RAI1: variants seen among roughly 807,000 people sequenced by gnomAD.
The protein encoded by RAI1 is retinoic acid-induced protein 1.
RAI1 carries 9 observed loss-of-function variants against 123.8 expected under a neutral mutation model. The ratio of observed to expected loss-of-function variants is 0.07; its 90% CI spans 0.04 to 0.13. RAI1 has a LOEUF of 0.13. Ranked by LOEUF, RAI1 falls within the 10% of genes least tolerant of loss-of-function variation. RAI1 has a pLI of 1.00. For missense variants in RAI1, 2,256 were observed against 2,545.8 expected (o/e 0.89, Z 2.45); for synonymous variants, 1,231 against 1,127.3 (o/e 1.09, Z -1.84).
intron 2 of RAI1, among the ~76,000 whole-genome samples, chr17:17,767,133 G>A (rs535193605): frequency 7.9e-5 from 12 of 152,290 alleles, no homozygotes; most frequent in Admixed American, 1.3e-4. Context: ...GGTGCACACC[G>A]TCCAGAGCAC....
chr17:17,735,885 A>G (rs1916418247), intron 2 of RAI1, among the ~76,000 whole-genome samples: 1 of 152,234 alleles, frequency 6.6e-6, no homozygotes, highest in African/African-American at 2.4e-5. Context: ...GGAGGGACTG[A>G]CAGGGCTTCT....
chr17:17,770,576 C>T (rs907621436), intron 2 of RAI1, among the ~76,000 whole-genome samples: 5 of 141,224 alleles, frequency 3.5e-5, no homozygotes, highest in Non-Finnish European at 3.1e-5. Flanking sequence ...GCCTGGCCTG[C>T]GAGGCCTGGC....
chr17:17,752,777 G>A (rs2030260691), intron 2 of RAI1, among the ~76,000 whole-genome samples: 1 of 152,152 alleles, frequency 6.6e-6, no homozygotes, highest in Non-Finnish European at 1.5e-5. Flanking sequence ...CTTTCCGGCC[G>A]ATTCCTCACC....
At position 17,795,875 on chromosome 17, in the gene RAI1, C is replaced by G. The variant is rs565057651; in HGVS notation, c.2927C>G (p.Pro976Arg). Residue 976 changes from proline (P) to arginine (R), a missense_variant, in exon 3 of 6, where the codon CCC becomes CGC. Coordinates refer to ENST00000353383, the MANE Select transcript of RAI1 (RefSeq NM_030665.4). The surrounding 1 kb of genome is among the most constrained non-coding windows in gnomAD (Gnocchi z 5.9). The part of the protein sequence containing the change: ...TTSDASLAQK[P>R]NKPAVPEAPI... ...TCGGACGCCTCTCTGGCCCAGAAGC[C>G]CAACAAGCCTGCTGTGCCCGAGGCG... 1 of 1,612,714 alleles carries G rather than the reference C, an allele frequency of 6.2e-7. No homozygotes were observed. Among genetic ancestry groups the G allele is most frequent in the South Asian group, 1.1e-5 (1 of 91,086 alleles).
At chr17:17,747,968 G>T (rs2029992183) in intron 2 of RAI1, among the ~76,000 whole-genome samples, 2 of 152,166 alleles carry the variant, frequency 1.3e-5, no homozygotes, top group African/African-American at 4.8e-5. Context: ...GGAGGCTAAG[G>T]CTGGAAGATC....
chr17:17,770,227 C>G (rs1174156403), intron 2 of RAI1, among the ~76,000 whole-genome samples: 2 of 151,992 alleles, frequency 1.3e-5, no homozygotes, highest in African/African-American at 4.8e-5. Context: ...AGCCTGTCTC[C>G]CAAAGGGCGG....
At chr17:17,779,189 G>A (rs1005579938) in intron 2 of RAI1, 8 of 340,614 alleles carry the variant, frequency 2.3e-5, no homozygotes, top group African/African-American at 6.5e-5. Context: ...AAAGCCTCCC[G>A]GGTGGCCCCA....
chr17:17,796,244 G>A lies in RAI1; in HGVS notation c.3296G>A (p.Gly1099Glu). 6.3e-7 allele frequency: 1 copy of A among 1,576,586 alleles called. No individual in the cohort carries two copies. Among genetic ancestry groups the A allele is most frequent in the Non-Finnish European group, 8.6e-7 (1 of 1,160,218 alleles). The change falls in exon 3 of 6, where the codon GGG becomes GAG. Residue 1099 changes from glycine to glutamate, a missense_variant. Physicochemically the swap from Gly to Glu is moderately conservative, Grantham distance 98. Around this residue, in one of 7 missense-constraint regions of RAI1, gnomAD observed 22 missense variants for 50.7 expected, o/e 0.43. Transcript: ENST00000353383. The surrounding 1 kb of genome is among the most constrained non-coding windows in gnomAD (Gnocchi z 5.8). ...GCCTTCAAGTCGGGCAAGCGGGTGG[G>A]GAAGCCCTCACCCAAGGCTGCCTCC... ...RAAFKSGKRV[G>E]KPSPKAASSP... is the part of the protein sequence containing the mutation.
intron 2 of RAI1, among the ~76,000 whole-genome samples, chr17:17,750,971 G>C (rs1464987244): frequency 6.6e-6 from 1 of 152,220 alleles, no homozygotes; most frequent in Non-Finnish European, 1.5e-5. Flanking sequence ...TCCATATTTG[G>C]AGGGCATCTG....
chr17:17,706,754 G>A (rs547995769), intron 1 of RAI1, among the ~76,000 whole-genome samples: 2 of 152,220 alleles, frequency 1.3e-5, no homozygotes, highest in Non-Finnish European at 2.9e-5. Context: ...GGTGGGGCCT[G>A]CCCTGGGAGC....
intron 2 of RAI1, among the ~76,000 whole-genome samples, chr17:17,749,161 C>G (rs891553340): frequency 6.6e-6 from 1 of 152,254 alleles, no homozygotes; most frequent in Non-Finnish European, 1.5e-5. Context: ...AGTTCCCGCT[C>G]TTAGCACCAG....
At chr17:17,728,342 C>A (rs549358222) in intron 2 of RAI1, among the ~76,000 whole-genome samples, 1 of 152,102 alleles carries the variant, frequency 6.6e-6, no homozygotes, top group Non-Finnish European at 1.5e-5. Context: ...CTTAAAAGAC[C>A]GTCTTCCCTC....
intron 2 of RAI1, among the ~76,000 whole-genome samples, chr17:17,762,436 C>G (rs2030743764): frequency 6.6e-6 from 1 of 152,074 alleles, no homozygotes; most frequent in Admixed American, 6.5e-5. Context: ...TACCCCTAAC[C>G]TTAGACAGCT....
At chr17:17,719,722 G>A (rs1915816723) in intron 1 of RAI1, among the ~76,000 whole-genome samples, 1 of 152,106 alleles carries the variant, frequency 6.6e-6, no homozygotes, top group Non-Finnish European at 1.5e-5. Flanking sequence ...CATCTAGTAG[G>A]TGCTCAGTAA....
rs2032405721 is a variant in RAI1, at chr17:17,800,180, G to GTCTGTCTCTCTCTCTCTCTCTC, written c.5565+1670_5565+1671insGTCTCTCTCTCTCTCTCTCTCT. On this transcript the variant is annotated intron_variant, in intron 3 of 5. Coordinates refer to ENST00000353383, the MANE Select transcript of RAI1 (RefSeq NM_030665.4). This position sits in a 1 kb window ranked among gnomAD's most constrained non-coding sequence, Gnocchi z 4.7. ...TCTCTCCTGCTTTCTGTCTCTCTCT[G>GTCTGTCTCTCTCTCTCTCTCTC]TCTCTCTCTCTCTCTCTCTCTCTCT... Among the ~76,000 whole-genome samples, 1 of 116,318 alleles carries GTCTGTCTCTCTCTCTCTCTCTC rather than the reference G, an allele frequency of 8.6e-6. No individual in the cohort carries two copies. The highest frequency in any genetic ancestry group is 3.0e-5 in the African/African-American group (1 of 33,338). The allele number at this position is 116,318 out of a possible 152,430, so 76.3% of individuals were successfully genotyped here.
At position 17,810,760 on chromosome 17, in the gene RAI1, C is replaced by T; in HGVS notation, c.*779C>T. The T allele has an allele frequency of 2.2e-6, 1 of 451,754 alleles. No homozygotes were observed. The highest frequency in any genetic ancestry group is 4.5e-6 in the Non-Finnish European group (1 of 223,556). The allele number at this position is 451,754 out of a possible 1,614,324, so 28.0% of individuals were successfully genotyped here. A position where few individuals can be genotyped will look rare whatever the true frequency, so the allele number is the denominator to read the frequency against. The stretch of plus-strand genomic sequence containing the variant: ...CCTCCACCCCACCCCTGGAGCCCAG[C>T]CTGGGAGCGCAAAACCCAAGAAGCG... On this transcript the variant is annotated 3_prime_UTR_variant, in exon 6 of 6. Coordinates refer to ENST00000353383, the MANE Select transcript of RAI1 (RefSeq NM_030665.4). The surrounding 1 kb of genome is among the most constrained non-coding windows in gnomAD (Gnocchi z 4.6).
At chr17:17,745,507 G>A (rs553097255) in intron 2 of RAI1, among the ~76,000 whole-genome samples, 18 of 151,872 alleles carry the variant, frequency 1.2e-4, no homozygotes, top group African/African-American at 3.4e-4. Flanking sequence ...TCGGCTCACC[G>A]CAACCTCAGC....
In RAI1 at chr17:17,797,301, C is replaced by T. The variant is rs1430808075; in HGVS notation, c.4353C>T (p.Gly1451=). ...ALAPKKRSRK[G]RAGAHGLSKG... ...CGCCTAAGAAGAGGAGCCGGAAAGG[C>T]CGGGCAGGGGCCCATGGACTCTCCA... The change falls in exon 3 of 6, where the codon GGC becomes GGT. Residue 1451 remains glycine (G), a synonymous_variant. Transcript: ENST00000353383. 1.9e-6 allele frequency: 3 copies of T among 1,612,590 alleles called. No homozygotes were observed. Among genetic ancestry groups the T allele is most frequent in the Non-Finnish European group, 1.7e-6 (2 of 1,179,972 alleles).
rs769515151 is a variant in RAI1, at chr17:17,793,690, G to A, written c.742G>A (p.Asp248Asn). ...CACAGCACCGACTGCCCAGCCCCATGACAGGCCGCTGACTGCCAGCTCCAG... is the reference window on the plus strand; with the variant it reads ...CACAGCACCGACTGCCCAGCCCCATAACAGGCCGCTGACTGCCAGCTCCAG... ...SCTAPTAQPH[D>N]RPLTASSSLA... The change falls in exon 3 of 6, where the codon GAC becomes AAC. Residue 248 changes from aspartate to asparagine, a missense_variant. Physicochemically the swap from Asp to Asn is conservative, Grantham distance 23. Coordinates refer to ENST00000353383, the MANE Select transcript of RAI1 (RefSeq NM_030665.4). 1.2e-6 allele frequency: 2 copies of A among 1,612,976 alleles called. No individual in the cohort carries two copies. The highest frequency in any genetic ancestry group is 4.5e-5 in the East Asian group (2 of 44,880).
Sources: gnomAD v4.1 joint callset for allele counts (sites outside exome capture counted in the v4.1 genomes callset) on GRCh38, gnomAD v4.1.1 for gene constraint, gnomAD v4.1.1 regional missense constraint, Gnocchi (gnomAD v3.1) non-coding constraint, MANE v1.5 for transcripts, NCBI Gene and HGNC (gene_info 2026-07-23, HGNC 2026-07-21) for gene names.